The following EDDM3B variants were observed in gnomAD, a reference collection of about 807,000 sequenced individuals.
EDDM3B encodes the protein epididymal secretory protein E3-beta.
For synonymous variants in EDDM3B, 71 were observed against 59.1 expected, an observed-to-expected ratio of 1.20 and a Z score of -0.92; for missense variants, 189 against 178.3, an observed-to-expected ratio of 1.06 and a Z score of -0.34.
At position 20,770,427 on chromosome 14, in the gene EDDM3B, T is replaced by C. The variant is rs1878307978; in HGVS notation, c.277T>C (p.Tyr93His). The stretch of plus-strand genomic sequence containing the variant: ...CTGGATGGATCGCTTCCGAAATGCA[T>C]ATGTATGGGTCCAGAATCCTCTCAA... The part of the protein sequence containing the change: ...DNWMDRFRNA[Y>H]VWVQNPLKVL... Residue 93 changes from tyrosine to histidine, a missense_variant, in exon 2 of 2, where the codon TAT becomes CAT. Tyr to His is a moderately conservative substitution (Grantham distance 83, BLOSUM62 2). Coordinates refer to ENST00000326783, the MANE Select transcript of EDDM3B (RefSeq NM_022360.5). 1 of 1,614,162 alleles carries C rather than the reference T, an allele frequency of 6.2e-7. No homozygotes were observed. The highest frequency in any genetic ancestry group is 8.5e-7 in the Non-Finnish European group (1 of 1,180,030).
In EDDM3B at chr14:20,770,376, A is replaced by C. The variant is rs764524413; in HGVS notation, c.226A>C (p.Ile76Leu). The C allele has an allele frequency of 1.2e-5, 20 of 1,614,064 alleles. No individual in the cohort carries two copies. The highest frequency in any genetic ancestry group is 1.5e-5 in the Non-Finnish European group (18 of 1,180,038). The change falls in exon 2 of 2, where the codon ATC becomes CTC. Residue 76 changes from isoleucine to leucine, a missense_variant. Ile to Leu is a conservative substitution (Grantham distance 5). Transcript: ENST00000326783. ...HMFIYISWYK[I>L]EHICTSDNWM... ...GTTTATCTATATCTCATGGTACAAA[A>C]TCGAGCATATATGCACTAGTGACAA...
In EDDM3B at chr14:20,770,448, C is replaced by T. The variant is rs765672481; in HGVS notation, c.298C>T (p.Leu100Phe). Residue 100 changes from leucine to phenylalanine, a missense_variant, in exon 2 of 2, where the codon CTC becomes TTC. Coordinates refer to ENST00000326783, the MANE Select transcript of EDDM3B (RefSeq NM_022360.5). ...TGCATATGTATGGGTCCAGAATCCT[C>T]TCAAAGTACTCAAGTGTCACCAGGA... ...RNAYVWVQNP[L>F]KVLKCHQENS... 1.4e-5 allele frequency: 23 copies of T among 1,614,040 alleles called. No homozygotes were observed. The Admixed American group carries it at 1.7e-4, about 12-fold the overall frequency.
intron 1 of EDDM3B, among the ~76,000 whole-genome samples, chr14:20,769,550 T>A (rs1465811875): frequency 1.3e-5 from 2 of 152,152 alleles, no homozygotes; most frequent in Non-Finnish European, 2.9e-5. Flanking sequence ...GTAATGAACA[T>A]ACGTTCCACT....
rs1878322079 is a variant in EDDM3B, at chr14:20,770,768, G to T, written c.*174G>T. The T allele has an allele frequency of 8.3e-6, 5 of 601,284 alleles. No homozygotes were observed. Among genetic ancestry groups the T allele is most frequent in the Non-Finnish European group, 1.2e-5 (4 of 342,632 alleles). 37.2% of individuals were successfully genotyped at this position (601,284 alleles called of 1,614,324 possible). On this transcript the variant is annotated 3_prime_UTR_variant, in exon 2 of 2. Coordinates refer to ENST00000326783, the MANE Select transcript of EDDM3B (RefSeq NM_022360.5). ...TTGATACCATAACTTTGCCTGTGTTGTTTCTCTGCCTGGAATACACTTTTG... is the reference window on the plus strand; with the variant it reads ...TTGATACCATAACTTTGCCTGTGTTTTTTCTCTGCCTGGAATACACTTTTG...
At chr14:20,770,010 G>A in intron 1 of EDDM3B, 123 bp from the exon 2 acceptor site, 1 of 723,106 alleles carries the variant, frequency 1.4e-6, no homozygotes, top group East Asian at 2.7e-5. Flanking sequence ...TTCTCATCGG[G>A]GAACCAAATA....
chr14:20,768,914 G>T (rs1406738565), intron 1 of EDDM3B, among the ~76,000 whole-genome samples: 1 of 152,218 alleles, frequency 6.6e-6, no homozygotes, highest in Non-Finnish European at 1.5e-5. Context: ...GGACACCAAT[G>T]CTCAGAGTTG....
chr14:20,770,224 G>A lies in EDDM3B; in HGVS notation c.74G>A (p.Ser25Asn). ...ATCCTATGCACACTGCTTGTACAGA[G>A]CAAAGAAGTTTCTTGGAGAGAATTC... ...LCILCTLLVQ[S>N]KEVSWREFMK... is the part of the protein sequence containing the mutation. The change falls in exon 2 of 2, where the codon AGC becomes AAC. Residue 25 changes from serine to asparagine, a missense_variant. Transcript: ENST00000326783. The A allele has an allele frequency of 6.2e-7, 1 of 1,614,156 alleles. No homozygotes were observed. The highest frequency in any genetic ancestry group is 1.1e-5 in the South Asian group (1 of 91,082).
chr14:20,770,450 C>A lies in EDDM3B; in HGVS notation c.300C>A (p.Leu100=). The A allele has an allele frequency of 9.9e-6, 16 of 1,614,168 alleles. No homozygotes were observed. The highest frequency in any genetic ancestry group is 1.4e-5 in the Non-Finnish European group (16 of 1,180,030). ...CATATGTATGGGTCCAGAATCCTCT[C>A]AAAGTACTCAAGTGTCACCAGGAGA... The part of the protein sequence containing the change: ...RNAYVWVQNP[L]KVLKCHQENS... Residue 100 remains leucine, a synonymous_variant, in exon 2 of 2, where the codon CTC becomes CTA. Transcript: ENST00000326783.
chr14:20,770,085 G>T, intron 1 of EDDM3B, 48 bp from the exon 2 acceptor site: 1 of 1,448,854 alleles, frequency 6.9e-7, no homozygotes, highest in Non-Finnish European at 9.3e-7. Context: ...CAGCTCTCTG[G>T]GCATTGTCTG....
chr14:20,769,084 G>C (rs1359938102), intron 1 of EDDM3B, among the ~76,000 whole-genome samples: 4 of 152,164 alleles, frequency 2.6e-5, no homozygotes, highest in African/African-American at 2.4e-5. Context: ...GTGCTTGATT[G>C]ATTACAGGAA....
At chr14:20,770,022 TA>T in intron 1 of EDDM3B, 110 bp from the exon 2 acceptor site, 2 of 845,964 alleles carry the variant, frequency 2.4e-6, no homozygotes, top group Non-Finnish European at 3.6e-6. Context: ...AACCAAATAG[TA>T]AAATTGCACC....
Position 20,770,812 on chromosome 14 carries a change from A to T in EDDM3B, c.*218A>T. 2.0e-6 allele frequency: 1 copy of T among 503,442 alleles called. No homozygotes were observed. The highest frequency in any genetic ancestry group is 3.6e-6 in the Non-Finnish European group (1 of 277,092). The allele number at this position is 503,442 out of a possible 1,614,324, so 31.2% of individuals were successfully genotyped here. On this transcript the variant is annotated 3_prime_UTR_variant, in exon 2 of 2. Coordinates refer to ENST00000326783, the MANE Select transcript of EDDM3B (RefSeq NM_022360.5). ...ACTTTTGTCTTCATTTACCTAATTT[A>T]CTCTTATACTTTTGTCGACATTCAG...
chr14:20,768,871 G>A (rs574986107), intron 1 of EDDM3B, among the ~76,000 whole-genome samples: 2 of 152,320 alleles, frequency 1.3e-5, no homozygotes, highest in East Asian at 3.9e-4. Context: ...GACACTTGCA[G>A]GTCTGTAGGG....
chr14:20,770,494 C>G lies in EDDM3B; in HGVS notation c.344C>G (p.Thr115Arg). 1 of 1,614,112 alleles carries G rather than the reference C, an allele frequency of 6.2e-7. No homozygotes were observed. The highest frequency in any genetic ancestry group is 1.1e-5 in the South Asian group (1 of 91,084). ...CHQENSKNSY[T>R]ESRSFNYIEF... is the part of the protein sequence containing the mutation. ...CAGGAGAATTCCAAAAATAGCTACA[C>G]AGAGAGCAGGAGCTTCAACTACATT... The change falls in exon 2 of 2, where the codon ACA becomes AGA. Residue 115 changes from threonine (T) to arginine (R), a missense_variant. Transcript: ENST00000326783.
intron 1 of EDDM3B, 89 bp from the exon 2 acceptor site, chr14:20,770,044 C>A: frequency 9.1e-7 from 1 of 1,098,248 alleles, no homozygotes; most frequent in Non-Finnish European, 1.3e-6. Flanking sequence ...CAAGTGCCTG[C>A]CTGGTGGGGA....
intron 1 of EDDM3B, among the ~76,000 whole-genome samples, chr14:20,769,527 A>G (rs988587354): frequency 6.6e-6 from 1 of 152,218 alleles, no homozygotes; most frequent in Non-Finnish European, 1.5e-5. Context: ...CTGAGAAGGA[A>G]TATGGGTAGT....
intron 1 of EDDM3B, among the ~76,000 whole-genome samples, 179 bp downstream of exon 1, chr14:20,768,685 C>T (rs1473677501): frequency 6.6e-6 from 1 of 152,192 alleles, no homozygotes; most frequent in Admixed American, 6.5e-5. Flanking sequence ...CTTCCTTCAC[C>T]CCCAGTCTTC....
At position 20,770,554 on chromosome 14, in the gene EDDM3B, G is replaced by A; in HGVS notation, c.404G>A (p.Ser135Asn). 1.9e-6 allele frequency: 3 copies of A among 1,613,990 alleles called. No individual in the cohort carries two copies. Among genetic ancestry groups the A allele is most frequent in the Middle Eastern group, 1.7e-4 (1 of 6,058 alleles). Residue 135 changes from serine (S) to asparagine (N), a missense_variant, in exon 2 of 2, where the codon AGC becomes AAC. Ser to Asn is a conservative substitution (Grantham distance 46). Coordinates refer to ENST00000326783, the MANE Select transcript of EDDM3B (RefSeq NM_022360.5). ...TGTAGCATGGACGGGTATGTTGATA[G>A]CATAGAAGACCTAAAGATGGTAGAA... ...FHCSMDGYVD[S>N]IEDLKMVEPI...
At chr14:20,770,046 TG>T in intron 1 of EDDM3B, 86 bp from the exon 2 acceptor site, 1 of 1,125,062 alleles carries the variant, frequency 8.9e-7, no homozygotes, top group Non-Finnish European at 1.2e-6. Flanking sequence ...AGTGCCTGCC[TG>T]GTGGGGAAGG....
Sources: allele counts gnomAD v4.1 joint callset (sites outside exome capture counted in the v4.1 genomes callset), GRCh38; gene constraint gnomAD v4.1.1; transcripts MANE v1.5; gene names NCBI Gene and HGNC (gene_info 2026-07-23, HGNC 2026-07-21).